The following NHSL1 variants were observed in gnomAD, a reference collection of about 807,000 sequenced individuals.
The protein encoded by NHSL1 is NHS like 1, also known as NHS-like protein 1.
In NHSL1, 48 loss-of-function variants were observed where a neutral mutation model predicts 95.0. That is an observed-to-expected ratio of 0.51 (90% CI 0.40 to 0.64). The LOEUF (loss-of-function observed/expected upper bound fraction) is 0.64, where lower values mean the gene tolerates loss of function less well. NHSL1 is among the 30% of genes least tolerant of loss of function. NHSL1 has a pLI of 0.00. For synonymous variants in NHSL1, 783 were observed against 833.9 expected, an observed-to-expected ratio of 0.94 and a Z score of 1.05; for missense variants, 1,971 against 2,077.7, an observed-to-expected ratio of 0.95 and a Z score of 1.00.
chr6:138,562,677 T>C (rs887794173), intron 1 of NHSL1, among the ~76,000 whole-genome samples: 1 of 151,970 alleles, frequency 6.6e-6, no homozygotes, highest in African/African-American at 2.4e-5. Context: ...CAAAAAAATA[T>C]ATAGCCTAAC....
chr6:138,614,060 C>G (rs968526651), intron 1 of NHSL1, among the ~76,000 whole-genome samples: 3 of 152,180 alleles, frequency 2.0e-5, no homozygotes, highest in Admixed American at 6.5e-5. Flanking sequence ...CAATAACAGC[C>G]TTGATGTTTG....
intron 1 of NHSL1, among the ~76,000 whole-genome samples, chr6:138,622,803 T>C (rs1349809711): frequency 1.3e-5 from 2 of 152,196 alleles, no homozygotes; most frequent in African/African-American, 4.8e-5. Flanking sequence ...ACACCAGATA[T>C]CAGAGATAAA....
At chr6:138,492,812 G>A (rs1780153150) in intron 2 of NHSL1, among the ~76,000 whole-genome samples, 1 of 152,000 alleles carries the variant, frequency 6.6e-6, no homozygotes, top group Non-Finnish European at 1.5e-5. Context: ...ATTAAAGAAT[G>A]GTATTCTTTT....
intron 1 of NHSL1, among the ~76,000 whole-genome samples, chr6:138,504,921 CTAAAGTA>C (rs1167051308): frequency 6.6e-6 from 1 of 152,136 alleles, no homozygotes; most frequent in African/African-American, 2.4e-5. Context: ...CCAAATAAAC[CTAAAGTA>C]TAAAGTTCAA....
At chr6:138,671,719 T>A (rs927224384) in intron 1 of NHSL1, among the ~76,000 whole-genome samples, 2 of 152,052 alleles carry the variant, frequency 1.3e-5, no homozygotes, top group African/African-American at 4.8e-5. Context: ...AGGGTAGAGT[T>A]GAAAGTTGAA....
intron 6 of NHSL1, 65 bp from the exon 7 acceptor site, chr6:138,429,908 T>G (rs1181010436): frequency 1.6e-4 from 230 of 1,475,492 alleles, no homozygotes; most frequent in Non-Finnish European, 2.1e-4. Flanking sequence ...TCAGCCAAGC[T>G]TCTAAATATG....
chr6:138,512,088 AACAAGTT>A (rs565397791), intron 1 of NHSL1, among the ~76,000 whole-genome samples: 4 of 152,222 alleles, frequency 2.6e-5, no homozygotes, highest in Non-Finnish European at 4.4e-5. Context: ...TATGTGATAA[AACAAGTT>A]TAAATAAAGC....
intron 3 of NHSL1, among the ~76,000 whole-genome samples, chr6:138,458,835 A>G (rs1324807664): frequency 1.3e-5 from 2 of 151,518 alleles, no homozygotes; most frequent in Non-Finnish European, 2.9e-5. Context: ...TCTCAAAAAA[A>G]AAAAAACAAA....
chr6:138,671,925 G>A (rs1033972269), intron 1 of NHSL1, among the ~76,000 whole-genome samples: 1 of 146,504 alleles, frequency 6.8e-6, no homozygotes. Flanking sequence ...GGAAGATGTA[G>A]GATGGGAGGT....
intron 1 of NHSL1, among the ~76,000 whole-genome samples, chr6:138,511,347 T>C (rs1439070144): frequency 6.6e-6 from 1 of 152,090 alleles, no homozygotes; most frequent in East Asian, 1.9e-4. Context: ...GTTTGTTTTT[T>C]ACTAAAGAAA....
intron 1 of NHSL1, among the ~76,000 whole-genome samples, chr6:138,523,661 A>C (rs1018532597): frequency 6.6e-6 from 1 of 150,884 alleles, no homozygotes; most frequent in African/African-American, 2.4e-5. Context: ...AACAGAGCTA[A>C]AAGCTCCAGG....
chr6:138,454,225 T>G (rs1253787678), intron 3 of NHSL1, among the ~76,000 whole-genome samples: 1 of 152,140 alleles, frequency 6.6e-6, no homozygotes, highest in Non-Finnish European at 1.5e-5. Context: ...AAACTTGCTT[T>G]GACTTTTACA....
Position 138,689,914 on chromosome 6 carries a change from C to G in NHSL1, c.96+2562G>C, listed in dbSNP as rs573209054. On this transcript the variant is annotated intron_variant, in intron 1 of 3. Transcript: ENST00000491526. ...CCGCCCACCTTGGTCTCCCAAAGTG[C>G]TGGGATTACAGGCATGAGCCACTGT... 1.4e-4 allele frequency among the ~76,000 whole-genome samples: 22 copies of G among 152,164 alleles called. No homozygotes were observed. The South Asian group carries it at 4.6e-3, about 32-fold the overall frequency.
chr6:138,568,713 G>C (rs1461260946), intron 1 of NHSL1, among the ~76,000 whole-genome samples: 3 of 152,136 alleles, frequency 2.0e-5, no homozygotes, highest in Non-Finnish European at 4.4e-5. Flanking sequence ...TATGTATCTT[G>C]TAATTACTTT....
chr6:138,454,516 T>G (rs1777458569), intron 3 of NHSL1, among the ~76,000 whole-genome samples: 1 of 152,132 alleles, frequency 6.6e-6, no homozygotes, highest in Non-Finnish European at 1.5e-5. Context: ...GGGAAAAACA[T>G]GAGCTCTAGA....
At chr6:138,660,724 G>A (rs1785216105) in intron 1 of NHSL1, among the ~76,000 whole-genome samples, 1 of 151,856 alleles carries the variant, frequency 6.6e-6, no homozygotes, top group African/African-American at 2.4e-5. Context: ...GGGAGGCCCA[G>A]GCAGGTGGAT....
chr6:138,589,634 T>A lies in NHSL1; in HGVS notation c.97-93263A>T, dbSNP rs147137764. ...AGCCTCCTTTTACCCTAAACCCTCA[T>A]CTATGCCTTCCCTGTCCTGTTCATT... On this transcript the variant is annotated intron_variant, in intron 1 of 3. Coordinates refer to the NHSL1 transcript ENST00000491526. Among the ~76,000 whole-genome samples the A allele has an allele frequency of 5.0e-3, 767 of 152,320 alleles. 3 individuals are homozygous for A. Among genetic ancestry groups the A allele is most frequent in the African/African-American group, 0.017 (726 of 41,584 alleles).
intron 3 of NHSL1, among the ~76,000 whole-genome samples, chr6:138,468,593 T>C (rs1778543387): frequency 6.6e-6 from 1 of 152,200 alleles, no homozygotes; most frequent in Admixed American, 6.5e-5. Flanking sequence ...TAATGTCTGA[T>C]GATCTGACAT....
intron 1 of NHSL1, among the ~76,000 whole-genome samples, chr6:138,520,647 T>C (rs905864703): frequency 3.3e-5 from 5 of 152,150 alleles, no homozygotes; most frequent in Admixed American, 2.6e-4. Flanking sequence ...CCTCTGCTGG[T>C]AAAAATGAGA....
Sources: allele counts gnomAD v4.1 joint callset (sites outside exome capture counted in the v4.1 genomes callset), GRCh38; gene constraint gnomAD v4.1.1; transcripts MANE v1.5; gene names NCBI Gene and HGNC (gene_info 2026-07-23, HGNC 2026-07-21).